The following NMBR variants were observed in gnomAD, a reference collection of about 807,000 sequenced individuals.
The protein encoded by NMBR is neuromedin-B receptor.
NMBR carries 16 observed loss-of-function variants against 20.5 expected under a neutral mutation model. The observed-to-expected ratio is 0.78, with a 90% CI of 0.53 to 1.19. The LOEUF is 1.19. Ranked by LOEUF, NMBR falls within the 50% of genes most tolerant of loss-of-function variation. The pLI is 0.00. For synonymous variants in NMBR, 212 were observed against 196.6 expected (o/e 1.08, Z -0.65); for missense variants, 582 against 499.1 (o/e 1.17, Z -1.58).
chr6:142,102,116 CG>C (rs1384878402), intron 1 of NMBR, among the ~76,000 whole-genome samples: 1 of 152,052 alleles, frequency 6.6e-6, no homozygotes, highest in African/African-American at 2.4e-5. Context: ...CAGCTGGGCG[CG>C]GTGGCTCACG....
At position 142,080,311 on chromosome 6, in the gene NMBR, CTT is replaced by C. The variant is rs767477652; in HGVS notation, c.423-1410_423-1409del. Among the ~76,000 whole-genome samples the C allele has an allele frequency of 4.6e-3, 536 of 116,134 alleles. 2 individuals are homozygous for C. Among genetic ancestry groups the C allele is most frequent in the Non-Finnish European group, 5.7e-3 (333 of 58,628 alleles). The allele number at this position is 116,134 out of a possible 152,430, so 76.2% of individuals were successfully genotyped here. On this transcript the variant is annotated intron_variant, in intron 2 of 3. Coordinates refer to ENST00000258042, the MANE Select transcript of NMBR (RefSeq NM_002511.4). ...ATATGTGCACATTCTTGCCCTATAT[CTT>C]TTTTTTTTTTTTTTTTTGACAGGGT...
intron 1 of NMBR, among the ~76,000 whole-genome samples, chr6:142,123,736 C>T (rs1167429200): frequency 6.6e-6 from 1 of 151,802 alleles, no homozygotes; most frequent in African/African-American, 2.4e-5. Context: ...AACAATAAAC[C>T]ATTCAACTCT....
chr6:142,143,195 T>A (rs115430858), intron 1 of NMBR, among the ~76,000 whole-genome samples: 1,658 of 152,302 alleles, frequency 0.011, 28 homozygotes, highest in African/African-American at 0.038. Context: ...ATGAAATGCA[T>A]AGTGATAAAT....
chr6:142,079,559 A>T (rs1777050723), intron 2 of NMBR, among the ~76,000 whole-genome samples: 1 of 152,166 alleles, frequency 6.6e-6, no homozygotes, highest in African/African-American at 2.4e-5. Context: ...ATATTATTCA[A>T]TTCTTCCTTG....
intron 1 of NMBR, among the ~76,000 whole-genome samples, chr6:142,138,350 G>A (rs1219468813): frequency 2.0e-5 from 3 of 152,068 alleles, no homozygotes; most frequent in Non-Finnish European, 2.9e-5. Flanking sequence ...GAAAGCACAG[G>A]AGAAAATCCA....
At chr6:142,141,748 C>T (rs949041202) in intron 1 of NMBR, among the ~76,000 whole-genome samples, 6 of 152,254 alleles carry the variant, frequency 3.9e-5, no homozygotes, top group East Asian at 1.9e-4. Flanking sequence ...CGCGATTCAC[C>T]GGCCTCGGCC....
At chr6:142,084,247 T>C (rs1232985301) in intron 2 of NMBR, among the ~76,000 whole-genome samples, 1 of 152,222 alleles carries the variant, frequency 6.6e-6, no homozygotes, top group African/African-American at 2.4e-5. Context: ...AATATCTGTT[T>C]GCATTGATGT....
chr6:142,132,057 T>G (rs1778152332), intron 1 of NMBR, among the ~76,000 whole-genome samples: 1 of 152,214 alleles, frequency 6.6e-6, no homozygotes. Context: ...CATTAAGTTG[T>G]CCATGTTTAT....
chr6:142,097,275 C>G (rs543752999), intron 1 of NMBR, among the ~76,000 whole-genome samples: 41 of 152,242 alleles, frequency 2.7e-4, no homozygotes, highest in African/African-American at 7.7e-4. Context: ...CCTCGATGGT[C>G]TTTACAATTT....
At position 142,082,593 on chromosome 6, in the gene NMBR, C is replaced by A. The variant is rs577816456; in HGVS notation, c.423-3690G>T. On this transcript the variant is annotated intron_variant, in intron 2 of 3. Coordinates refer to ENST00000258042, the MANE Select transcript of NMBR (RefSeq NM_002511.4). The stretch of plus-strand genomic sequence containing the variant: ...GGGATTCTGCATATTACTAACATTT[C>A]CAGGTGATTCTGATGATAAGCCGGG... Among the ~76,000 whole-genome samples, 8 of 152,318 alleles carry A rather than the reference C, an allele frequency of 5.3e-5. No homozygotes were observed. The South Asian group carries it at 1.7e-3, about 32-fold the overall frequency.
Position 142,088,233 on chromosome 6 carries a change from T to C in NMBR, c.422+4A>G. ...AAGCCACTCACAGCTACCTGTGCTC[T>C]TACCTGTCGGCGCTGAGGGCAGTGA... On this transcript the variant is annotated splice_donor_region_variant and intron_variant, in intron 2 of 3. Transcript: ENST00000258042. The C allele has an allele frequency of 6.2e-7, 1 of 1,608,710 alleles. No individual in the cohort carries two copies. Among genetic ancestry groups the C allele is most frequent in the Non-Finnish European group, 8.5e-7 (1 of 1,179,426 alleles).
chr6:142,140,271 GCAAAT>G (rs1477510230), intron 1 of NMBR, among the ~76,000 whole-genome samples: 10 of 151,856 alleles, frequency 6.6e-5, no homozygotes, highest in East Asian at 5.8e-4. Flanking sequence ...ATAAACCTCG[GCAAAT>G]CAAATCAAGT....
chr6:142,126,237 G>A (rs1778034272), intron 1 of NMBR, among the ~76,000 whole-genome samples: 1 of 139,890 alleles, frequency 7.1e-6, no homozygotes, highest in Admixed American at 7.2e-5. Context: ...TCCTTTAAGG[G>A]CTTAACAATA....
chr6:142,110,675 T>A (rs1032325423), intron 1 of NMBR, among the ~76,000 whole-genome samples: 3 of 152,130 alleles, frequency 2.0e-5, no homozygotes, highest in African/African-American at 4.8e-5. Flanking sequence ...TCTGTGAACA[T>A]ACCAAAAACT....
intron 1 of NMBR, among the ~76,000 whole-genome samples, chr6:142,107,419 G>A (rs1394201137): frequency 6.6e-6 from 1 of 152,080 alleles, no homozygotes; most frequent in Non-Finnish European, 1.5e-5. Flanking sequence ...TACAGTGGCA[G>A]ACAAATTAAT....
chr6:142,088,169 G>C (rs1777234784), intron 2 of NMBR, 68 bp downstream of exon 2: 2 of 1,506,992 alleles, frequency 1.3e-6, no homozygotes, highest in African/African-American at 1.4e-5. Flanking sequence ...GTGCACTCCG[G>C]GTGAGTCTTC....
rs1562388261 is a variant in NMBR at position 142,075,851 on chromosome 6, G to A, written c.970C>T (p.Leu324Phe). Residue 324 changes from leucine to phenylalanine, a missense_variant, in exon 4 of 4, where the codon CTT becomes TTT. Physicochemically the swap from Leu to Phe is conservative, Grantham distance 22 (BLOSUM62 0). Coordinates refer to ENST00000258042, the MANE Select transcript of NMBR (RefSeq NM_002511.4). ...CTGAAGCTTTCACTGAGTAGGTAAA[G>A]AGCAAATGGGTTGACACAAGAATTG... ...FGNSCVNPFA[L>F]YLLSESFRRH... 6.2e-7 allele frequency: 1 copy of A among 1,613,946 alleles called. No individual in the cohort carries two copies. The highest frequency in any genetic ancestry group is 8.5e-7 in the Non-Finnish European group (1 of 1,179,962).
chr6:142,143,902 T>C (rs1157899460), intron 1 of NMBR, among the ~76,000 whole-genome samples: 2 of 152,102 alleles, frequency 1.3e-5, no homozygotes, highest in Non-Finnish European at 2.9e-5. Context: ...ATGGGAACAA[T>C]CAAGAGACTG....
chr6:142,084,199 T>A (rs1435919014), intron 2 of NMBR, among the ~76,000 whole-genome samples: 1 of 152,232 alleles, frequency 6.6e-6, no homozygotes, highest in Non-Finnish European at 1.5e-5. Context: ...CTGTATCCAA[T>A]CTATTTCAGT....
Sources: allele counts gnomAD v4.1 joint callset (sites outside exome capture counted in the v4.1 genomes callset), GRCh38; gene constraint gnomAD v4.1.1; transcripts MANE v1.5; gene names NCBI Gene and HGNC (gene_info 2026-07-23, HGNC 2026-07-21).